CDH12: variants seen among roughly 807,000 people sequenced by gnomAD.
CDH12 encodes the protein cadherin-12.
Under a neutral mutation model 74.1 loss-of-function variants are expected in CDH12, and 41 were observed. The ratio of observed to expected loss-of-function variants is 0.55; its 90% CI spans 0.43 to 0.72. CDH12 has a LOEUF of 0.72. Among genes scored for constraint, CDH12 ranks in the 30% least tolerant of loss-of-function variants. The pLI is 0.00. For synonymous variants in CDH12, 399 were observed against 355.0 expected (o/e 1.12, Z -1.39); for missense variants, 945 against 977.2 (o/e 0.97, Z 0.44).
rs530876639 is a variant in CDH12 at position 21,883,610 on chromosome 5, T to C, written c.527-28820A>G. The C allele has an allele frequency of 3.3e-4, 537 of 1,608,010 alleles. 2 individuals are homozygous for C. The African/African-American group carries it at 6.3e-3, about 19-fold the overall frequency. ...TGAATCTTGAAGATGTTCAGCCTCA[T>C]GACTTAGGAAAAGTTGGAGAGGTCA... is the stretch of plus-strand genomic sequence containing the variant. On this transcript the variant is annotated intron_variant, in intron 6 of 14. Coordinates refer to ENST00000382254, the MANE Select transcript of CDH12 (RefSeq NM_004061.5).
At chr5:22,049,963 C>T (rs963191370) in intron 5 of CDH12, among the ~76,000 whole-genome samples, 11 of 152,028 alleles carry the variant, frequency 7.2e-5, no homozygotes, top group African/African-American at 2.7e-4. Context: ...AAAATATATC[C>T]CATTTTCTAC....
At position 21,802,393 on chromosome 5, in the gene CDH12, A is replaced by C; in HGVS notation, c.1030T>G (p.Tyr344Asp). 6.2e-7 allele frequency: 1 copy of C among 1,613,776 alleles called. No individual in the cohort carries two copies. Among genetic ancestry groups the C allele is most frequent in the East Asian group, 2.2e-5 (1 of 44,800 alleles). ...TTGGAAGCCTCAACTTTGAAAGTGT[A>C]TGCCTTCTTTGTTTCAAAATCTAAA... ...KPLDFETKKAYTFKVEASNLH... is the reference protein window; with the variant it reads ...KPLDFETKKADTFKVEASNLH... Residue 344 changes from tyrosine (Y) to aspartate (D), a missense_variant, in exon 10 of 15, where the codon TAC becomes GAC. By Grantham distance (160) the Tyr-to-Asp change is radical. Around this residue, in one of 3 missense-constraint regions of CDH12, gnomAD observed 791 missense variants for 792.8 expected, o/e 1.00. Coordinates refer to ENST00000382254, the MANE Select transcript of CDH12 (RefSeq NM_004061.5).
chr5:22,534,303 G>A (rs779986621), intron 1 of CDH12, among the ~76,000 whole-genome samples: 10 of 151,808 alleles, frequency 6.6e-5, no homozygotes, highest in African/African-American at 1.9e-4. Flanking sequence ...ACCAATCGCC[G>A]GAGCAGTATA....
At chr5:22,551,134 A>G (rs2126733461) in intron 1 of CDH12, among the ~76,000 whole-genome samples, 1 of 152,266 alleles carries the variant, frequency 6.6e-6, no homozygotes, top group South Asian at 2.1e-4. Context: ...TAAGGGCGGG[A>G]CCTAATCCAA....
chr5:22,826,382 G>A (rs765529006), intron 1 of CDH12, among the ~76,000 whole-genome samples: 5 of 152,108 alleles, frequency 3.3e-5, no homozygotes, highest in Non-Finnish European at 7.3e-5. Flanking sequence ...CCAGTTTCTG[G>A]CATGTCTTTA....
chr5:22,067,277 T>C (rs1741629136), intron 5 of CDH12, among the ~76,000 whole-genome samples: 1 of 152,190 alleles, frequency 6.6e-6, no homozygotes, highest in Middle Eastern at 3.2e-3. Flanking sequence ...GACAAAAATG[T>C]ATTGCCATCT....
At chr5:21,804,231 T>C (rs1242002539) in intron 9 of CDH12, among the ~76,000 whole-genome samples, 1 of 152,178 alleles carries the variant, frequency 6.6e-6, no homozygotes, top group African/African-American at 2.4e-5. Context: ...AAGCAAAGAA[T>C]AGTATGCATA....
At chr5:22,658,447 A>G (rs1240441295) in intron 1 of CDH12, among the ~76,000 whole-genome samples, 2 of 152,118 alleles carry the variant, frequency 1.3e-5, no homozygotes. Context: ...ATAAAAGTTG[A>G]TCTATTATAG....
intron 4 of CDH12, among the ~76,000 whole-genome samples, chr5:22,082,719 C>A (rs1462100195): frequency 1.1e-4 from 17 of 152,124 alleles, no homozygotes. Flanking sequence ...CATCAGGAAA[C>A]AACAGCAGCT....
chr5:21,871,086 A>G (rs28573748), intron 6 of CDH12, among the ~76,000 whole-genome samples: 110,427 of 152,088 alleles, frequency 0.73, 44,847 homozygotes, highest in Non-Finnish European at 0.9. Flanking sequence ...GTTTAATTTA[A>G]TTGTTCTTCA....
intron 2 of CDH12, among the ~76,000 whole-genome samples, chr5:22,474,338 A>G (rs1231584874): frequency 1.3e-5 from 2 of 152,180 alleles, no homozygotes; most frequent in Non-Finnish European, 2.9e-5. Context: ...AGGAAGACAC[A>G]TGATGTCAGG....
At chr5:22,106,297 C>A (rs1254361273) in intron 4 of CDH12, among the ~76,000 whole-genome samples, 18 of 152,062 alleles carry the variant, frequency 1.2e-4, no homozygotes. Flanking sequence ...AACAAGATTT[C>A]TCTGTGTTTT....
At chr5:22,770,692 A>G (rs1462936689) in intron 1 of CDH12, among the ~76,000 whole-genome samples, 1 of 152,114 alleles carries the variant, frequency 6.6e-6, no homozygotes, top group Non-Finnish European at 1.5e-5. Context: ...TGTATTTTCC[A>G]TTGTATTTTG....
At chr5:22,814,052 G>C (rs770574502) in intron 1 of CDH12, among the ~76,000 whole-genome samples, 15 of 152,056 alleles carry the variant, frequency 9.9e-5, no homozygotes, top group Non-Finnish European at 2.2e-4. Flanking sequence ...TTTGGCAAAA[G>C]TCTATTTTTT....
intron 5 of CDH12, among the ~76,000 whole-genome samples, chr5:21,989,988 TA>T (rs1757680341): frequency 6.6e-6 from 1 of 152,200 alleles, no homozygotes; most frequent in Non-Finnish European, 1.5e-5. Flanking sequence ...TGTGCAATCT[TA>T]TTCTTTCTCT....
At chr5:22,086,325 A>ATATT (rs891053640) in intron 4 of CDH12, among the ~76,000 whole-genome samples, 32 of 150,910 alleles carry the variant, frequency 2.1e-4, no homozygotes, top group African/African-American at 5.3e-4. Flanking sequence ...TTTTATTTAT[A>ATATT]TATTTATTTA....
intron 1 of CDH12, among the ~76,000 whole-genome samples, chr5:22,844,037 C>T (rs1482728198): frequency 6.6e-6 from 1 of 152,034 alleles, no homozygotes; most frequent in African/African-American, 2.4e-5. Flanking sequence ...TATTTGTATA[C>T]AACCTGCCCA....
intron 4 of CDH12, among the ~76,000 whole-genome samples, chr5:22,135,183 C>G (rs1580303983): frequency 1.5e-5 from 2 of 130,896 alleles, no homozygotes; most frequent in African/African-American, 5.7e-5. Flanking sequence ...AGCAGTTATT[C>G]ACATTAAAGA....
At chr5:22,112,484 A>T (rs1337986589) in intron 4 of CDH12, among the ~76,000 whole-genome samples, 2 of 152,160 alleles carry the variant, frequency 1.3e-5, no homozygotes, top group Non-Finnish European at 2.9e-5. Context: ...CTACTAATCC[A>T]AACACACGCT....
Sources: allele counts gnomAD v4.1 joint callset (sites outside exome capture counted in the v4.1 genomes callset), GRCh38; gene constraint gnomAD v4.1.1; regional missense constraint gnomAD v4.1.1; transcripts MANE v1.5; gene names NCBI Gene and HGNC (gene_info 2026-07-23, HGNC 2026-07-21).